Variants in KAT2B observed in about 807,000 individuals in gnomAD.
The protein encoded by KAT2B is lysine acetyltransferase 2B.
KAT2B carries 36 observed loss-of-function variants against 105.9 expected under a neutral mutation model. That is an observed-to-expected ratio of 0.34 (90% CI 0.26 to 0.45). The LOEUF is 0.45. Ranked by LOEUF, KAT2B falls within the 20% of genes least tolerant of loss-of-function variation. The pLI is 1.00. For missense variants in KAT2B, 820 were observed against 1,021.6 expected, an observed-to-expected ratio of 0.80 and a Z score of 2.69; for synonymous variants, 397 against 377.9, an observed-to-expected ratio of 1.05 and a Z score of -0.59.
At chr3:20,105,033 G>A (rs904967357) in intron 5 of KAT2B, among the ~76,000 whole-genome samples, 2 of 151,850 alleles carry the variant, frequency 1.3e-5, no homozygotes, top group African/African-American at 2.4e-5. Flanking sequence ...TTACAAGTGC[G>A]TGCCACCATG....
intron 9 of KAT2B, among the ~76,000 whole-genome samples, chr3:20,125,609 C>T (rs946267090): frequency 6.6e-6 from 1 of 152,190 alleles, no homozygotes; most frequent in Admixed American, 6.5e-5. Flanking sequence ...AAAATATTTT[C>T]TATCTGGCCC....
chr3:20,082,466 T>C (rs985451390), intron 2 of KAT2B, among the ~76,000 whole-genome samples: 2 of 152,204 alleles, frequency 1.3e-5, no homozygotes, highest in African/African-American at 4.8e-5. Flanking sequence ...TTATAACATA[T>C]TTTCCTTTCC....
intron 1 of KAT2B, among the ~76,000 whole-genome samples, chr3:20,055,186 G>A (rs778502914): frequency 2.0e-5 from 3 of 152,120 alleles, no homozygotes; most frequent in Non-Finnish European, 2.9e-5. Flanking sequence ...GAACCCTGAT[G>A]TGTGACTATG....
At chr3:20,086,820 C>T (rs1202019567) in intron 2 of KAT2B, among the ~76,000 whole-genome samples, 1 of 49,324 alleles carries the variant, frequency 2.0e-5, no homozygotes, top group Admixed American at 1.8e-4. Flanking sequence ...GAGATGGAGT[C>T]TCGCAGGCTG....
intron 11 of KAT2B, among the ~76,000 whole-genome samples, chr3:20,134,211 T>C (rs1699560790): frequency 6.6e-6 from 1 of 152,224 alleles, no homozygotes. Context: ...TTTTCCTATA[T>C]CTTTTTATAA....
chr3:20,069,201 G>C (rs1034594504), intron 1 of KAT2B, among the ~76,000 whole-genome samples: 1 of 152,196 alleles, frequency 6.6e-6, no homozygotes, highest in South Asian at 2.1e-4. Flanking sequence ...TAGAACTTGG[G>C]CTTATAGGCT....
At chr3:20,072,046 T>G (rs2125180789) in intron 1 of KAT2B, among the ~76,000 whole-genome samples, 1 of 152,234 alleles carries the variant, frequency 6.6e-6, no homozygotes, top group East Asian at 1.9e-4. Context: ...AACTCACCAC[T>G]TCATGGACAC....
At chr3:20,072,174 C>T (rs1219025239) in intron 1 of KAT2B, among the ~76,000 whole-genome samples, 159 bp from the exon 2 acceptor site, 1 of 152,166 alleles carries the variant, frequency 6.6e-6, no homozygotes, top group African/African-American at 2.4e-5. Flanking sequence ...CAAATACCAC[C>T]TTTGGGTTTT....
At chr3:20,101,106 G>T (rs1310921845) in intron 4 of KAT2B, 181 bp from the exon 5 acceptor site, 9 of 578,294 alleles carry the variant, frequency 1.6e-5, no homozygotes, top group East Asian at 1.1e-4. Context: ...CATCCACCGT[G>T]ATCTGAGGCA....
rs542263550 is a variant in KAT2B at position 20,063,230 on chromosome 3, G to C, written c.304-9103G>C. On this transcript the variant is annotated intron_variant, in intron 1 of 17. Transcript: ENST00000263754. ...CTGCAGGCGTGCACCACTATGTCCA[G>C]CTAATTTTTAAAATTTTTGTAGAGA... is the stretch of plus-strand genomic sequence containing the variant. Among the ~76,000 whole-genome samples the C allele has an allele frequency of 3.1e-4, 47 of 152,032 alleles. 1 individual carries two copies. The highest frequency in any genetic ancestry group is 7.9e-4 in the Admixed American group (12 of 15,244).
At chr3:20,111,465 T>C (rs1262443057) in intron 5 of KAT2B, 131 bp from the exon 6 acceptor site, 1 of 649,026 alleles carries the variant, frequency 1.5e-6, no homozygotes, top group Non-Finnish European at 2.6e-6. Context: ...CTGGCAGGGA[T>C]ATTGTTGCTT....
At chr3:20,049,745 A>G (rs990025023) in intron 1 of KAT2B, among the ~76,000 whole-genome samples, 3 of 152,226 alleles carry the variant, frequency 2.0e-5, no homozygotes, top group African/African-American at 7.2e-5. Flanking sequence ...GGCCCAGGAC[A>G]GACATATACA....
intron 2 of KAT2B, among the ~76,000 whole-genome samples, chr3:20,094,234 G>C (rs112481921): frequency 0.016 from 2,433 of 152,170 alleles, 73 homozygotes; most frequent in African/African-American, 0.055. Flanking sequence ...GAGAAGGAAG[G>C]CAAGTCTTAC....
intron 3 of KAT2B, among the ~76,000 whole-genome samples, chr3:20,099,334 G>A (rs1196175951): frequency 1.3e-5 from 2 of 152,218 alleles, no homozygotes; most frequent in East Asian, 3.8e-4. Flanking sequence ...TGCCCTAGAT[G>A]ATGCGTATGC....
intron 1 of KAT2B, among the ~76,000 whole-genome samples, chr3:20,041,293 G>A (rs755167857): frequency 1.3e-5 from 2 of 152,136 alleles, no homozygotes; most frequent in Non-Finnish European, 2.9e-5. Context: ...GGAGGAAAGC[G>A]CGGGGTGGGA....
At chr3:20,091,829 A>G (rs1028127554) in intron 2 of KAT2B, among the ~76,000 whole-genome samples, 4 of 152,304 alleles carry the variant, frequency 2.6e-5, no homozygotes, top group Non-Finnish European at 5.9e-5. Flanking sequence ...TGATTTATAT[A>G]GGTTGGTCCA....
At chr3:20,131,859 C>T (rs2125184252) in intron 11 of KAT2B, among the ~76,000 whole-genome samples, 1 of 152,298 alleles carries the variant, frequency 6.6e-6, no homozygotes, top group East Asian at 1.9e-4. Flanking sequence ...CCATTGTGCC[C>T]AACCATAAAC....
intron 1 of KAT2B, among the ~76,000 whole-genome samples, chr3:20,055,518 G>A (rs1339851313): frequency 2.0e-5 from 3 of 152,114 alleles, no homozygotes; most frequent in African/African-American, 7.2e-5. Flanking sequence ...GACACGGACC[G>A]AGGCCTGCAT....
At chr3:20,075,947 C>G (rs1273774954) in intron 2 of KAT2B, among the ~76,000 whole-genome samples, 1 of 151,628 alleles carries the variant, frequency 6.6e-6, no homozygotes, top group East Asian at 1.9e-4. Flanking sequence ...GGCTTTATCT[C>G]TACACTTTCC....
Sources: allele counts gnomAD v4.1 joint callset (sites outside exome capture counted in the v4.1 genomes callset), GRCh38; gene constraint gnomAD v4.1.1; transcripts MANE v1.5; gene names NCBI Gene and HGNC (gene_info 2026-07-23, HGNC 2026-07-21).